PTPRR: variants seen among roughly 807,000 people sequenced by gnomAD.
PTPRR encodes protein tyrosine phosphatase receptor type R, also known as receptor-type tyrosine-protein phosphatase R.
A neutral mutation model predicts 77.2 loss-of-function variants in PTPRR; 38 were observed. The ratio of observed to expected loss-of-function variants is 0.49; its 90% CI spans 0.38 to 0.65. The LOEUF is 0.65. Among genes scored for constraint, PTPRR ranks in the 30% least tolerant of loss-of-function variants. The pLI is 0.00. For missense variants in PTPRR, 744 were observed against 799.2 expected (o/e 0.93, Z 0.83); for synonymous variants, 299 against 283.1 (o/e 1.06, Z -0.57).
chr12:70,734,552 C>A (rs1889797238), intron 6 of PTPRR, among the ~76,000 whole-genome samples: 2 of 152,068 alleles, frequency 1.3e-5, no homozygotes, highest in Non-Finnish European at 2.9e-5. Context: ...TCTGCTTGAA[C>A]CTCAGGGTGA....
At chr12:70,720,311 T>C (rs756619688) in intron 6 of PTPRR, among the ~76,000 whole-genome samples, 2 of 152,112 alleles carry the variant, frequency 1.3e-5, no homozygotes, top group African/African-American at 2.4e-5. Context: ...CGTTTCCTTA[T>C]CATTAAATTT....
At chr12:70,804,877 A>C (rs2137024185) in intron 2 of PTPRR, among the ~76,000 whole-genome samples, 1 of 152,316 alleles carries the variant, frequency 6.6e-6, no homozygotes, top group East Asian at 1.9e-4. Context: ...ACAAAAAGAA[A>C]GTTTTAGTTT....
intron 13 of PTPRR, among the ~76,000 whole-genome samples, chr12:70,643,733 G>T (rs145456735): frequency 7.9e-5 from 12 of 151,950 alleles, no homozygotes; most frequent in African/African-American, 2.7e-4. Context: ...ATACAAAGTG[G>T]TTCTGGGAGG....
chr12:70,706,521 C>T (rs12824419), intron 6 of PTPRR, among the ~76,000 whole-genome samples: 11,409 of 152,040 alleles, frequency 0.075, 502 homozygotes, highest in South Asian at 0.12. Flanking sequence ...ACATAGAGAA[C>T]ATTTTTAGTG....
chr12:70,680,950 T>C (rs1567748), intron 10 of PTPRR, among the ~76,000 whole-genome samples: 251 of 152,130 alleles, frequency 1.6e-3, no homozygotes, highest in African/African-American at 5.2e-3. Flanking sequence ...TGCTGACTGC[T>C]CATGAGGCCA....
At chr12:70,838,746 G>T (rs1393163391) in intron 2 of PTPRR, among the ~76,000 whole-genome samples, 1 of 152,090 alleles carries the variant, frequency 6.6e-6, no homozygotes, top group African/African-American at 2.4e-5. Context: ...ACAGTAAATG[G>T]GCACCTAGAA....
chr12:70,648,959 A>C (rs56941024), intron 13 of PTPRR, among the ~76,000 whole-genome samples: 2,629 of 152,352 alleles, frequency 0.017, 66 homozygotes, highest in East Asian at 0.11. Context: ...TGAATCTGCA[A>C]TGAGAACTGA....
intron 13 of PTPRR, among the ~76,000 whole-genome samples, chr12:70,651,461 T>C (rs1197280880): frequency 2.0e-5 from 3 of 152,198 alleles, no homozygotes; most frequent in South Asian, 2.1e-4. Context: ...CCTCCATAGA[T>C]AGATATTTTA....
intron 6 of PTPRR, among the ~76,000 whole-genome samples, chr12:70,734,834 T>G (rs1273361362): frequency 6.6e-6 from 1 of 152,192 alleles, no homozygotes; most frequent in Non-Finnish European, 1.5e-5. Context: ...TTTTTACCTT[T>G]TTAGGCAAAG....
intron 2 of PTPRR, among the ~76,000 whole-genome samples, chr12:70,883,077 A>G (rs1009356083): frequency 6.6e-6 from 1 of 152,206 alleles, no homozygotes; most frequent in Non-Finnish European, 1.5e-5. Flanking sequence ...CCTGGCCAAC[A>G]TAGTGAAACC....
chr12:70,754,326 G>T (rs1183680151), intron 4 of PTPRR, 25 bp from the exon 5 acceptor site: 3 of 1,610,952 alleles, frequency 1.9e-6, no homozygotes, highest in African/African-American at 1.3e-5. Context: ...CAGAAAGTCC[G>T]ACGTTAAATG....
chr12:70,822,128 G>A (rs1892026483), intron 2 of PTPRR, among the ~76,000 whole-genome samples: 1 of 152,164 alleles, frequency 6.6e-6, no homozygotes, highest in African/African-American at 2.4e-5. Context: ...TACAAGGCAT[G>A]GTGTTGGATG....
At chr12:70,864,250 T>C (rs1388678517) in intron 2 of PTPRR, among the ~76,000 whole-genome samples, 1 of 152,148 alleles carries the variant, frequency 6.6e-6, no homozygotes. Flanking sequence ...TGTCTCTTGG[T>C]TTGGGTTATG....
chr12:70,662,803 C>T (rs1886844287), intron 10 of PTPRR, among the ~76,000 whole-genome samples, 198 bp from the exon 11 acceptor site: 2 of 151,528 alleles, frequency 1.3e-5, no homozygotes, highest in Admixed American at 6.6e-5. Context: ...TAAATTATAT[C>T]TCAACAGTTT....
intron 2 of PTPRR, among the ~76,000 whole-genome samples, chr12:70,771,615 A>C (rs1334347077): frequency 6.6e-6 from 1 of 152,214 alleles, no homozygotes; most frequent in African/African-American, 2.4e-5. Flanking sequence ...AATAAAAAGC[A>C]CAAATTAATG....
chr12:70,667,854 C>G (rs1887068165), intron 10 of PTPRR, among the ~76,000 whole-genome samples: 1 of 152,084 alleles, frequency 6.6e-6, no homozygotes, highest in South Asian at 2.1e-4. Flanking sequence ...GATAGACCCT[C>G]TGGTTGTGGG....
intron 2 of PTPRR, among the ~76,000 whole-genome samples, chr12:70,872,285 G>C (rs957777951): frequency 1.3e-5 from 2 of 152,074 alleles, no homozygotes; most frequent in Non-Finnish European, 2.9e-5. Flanking sequence ...GGGTTATTGA[G>C]CATGTGGACA....
intron 6 of PTPRR, among the ~76,000 whole-genome samples, chr12:70,741,021 G>A (rs1007731955): frequency 5.9e-5 from 9 of 152,188 alleles, no homozygotes; most frequent in Non-Finnish European, 1.3e-4. Flanking sequence ...TCTTGGCAGG[G>A]AATTGTGGTA....
intron 1 of PTPRR, among the ~76,000 whole-genome samples, chr12:70,910,767 A>T (rs1893687880): frequency 1.3e-5 from 2 of 152,176 alleles, no homozygotes; most frequent in African/African-American, 2.4e-5. Context: ...GCCAAGAGAC[A>T]TGCCCAAATG....
Sources: allele counts gnomAD v4.1 joint callset (sites outside exome capture counted in the v4.1 genomes callset), GRCh38; gene constraint gnomAD v4.1.1; transcripts MANE v1.5; gene names NCBI Gene and HGNC (gene_info 2026-07-23, HGNC 2026-07-21).